FANCI: variants seen among roughly 807,000 people sequenced by gnomAD.
FANCI encodes Fanconi anemia group I protein.
FANCI carries 156 observed loss-of-function variants against 176.1 expected under a neutral mutation model. That is an observed-to-expected ratio of 0.89 (90% CI 0.78 to 1.01). The LOEUF (loss-of-function observed/expected upper bound fraction) is 1.01. FANCI is among the 50% of genes least tolerant of loss of function. The pLI is 0.00. For synonymous variants in FANCI, 613 were observed against 541.7 expected (o/e 1.13, Z -1.83); for missense variants, 1,678 against 1,534.1 (o/e 1.09, Z -1.57).
At position 89,316,697 on chromosome 15, in the gene FANCI, C is replaced by T. The variant is rs1261268392; in HGVS notation, c.*238C>T. ...CAGCTGAAAGCCTGAGTTTGGGAGC[C>T]TGCACCACCCCGATGAAGCTCCACG... On this transcript the variant is annotated 3_prime_UTR_variant, in exon 38 of 38. Transcript: ENST00000310775. The T allele has an allele frequency of 7.0e-7, 1 of 1,431,714 alleles. No homozygotes were observed. The highest frequency in any genetic ancestry group is 1.4e-5 in the African/African-American group (1 of 70,544). 88.7% of individuals were successfully genotyped at this position (1,431,714 alleles called of 1,614,324 possible).
At chr15:89,249,323 T>C (rs994513528) in intron 2 of FANCI, among the ~76,000 whole-genome samples, 2 of 152,188 alleles carry the variant, frequency 1.3e-5, no homozygotes, top group African/African-American at 4.8e-5. Flanking sequence ...AATCTTTAAT[T>C]ATTTAACACA....
intron 18 of FANCI, among the ~76,000 whole-genome samples, chr15:89,286,371 C>T (rs2053817776): frequency 6.6e-6 from 1 of 152,146 alleles, no homozygotes; most frequent in African/African-American, 2.4e-5. Context: ...CTGATTAAAT[C>T]ACTAGTTATT....
chr15:89,310,030 C>G (rs2054893380), intron 34 of FANCI, among the ~76,000 whole-genome samples: 1 of 152,120 alleles, frequency 6.6e-6, no homozygotes, highest in Non-Finnish European at 1.5e-5. Context: ...AGTAGTTATC[C>G]CCATATGCAT....
At chr15:89,251,731 A>G (rs1361123651) in intron 2 of FANCI, among the ~76,000 whole-genome samples, 4 of 152,220 alleles carry the variant, frequency 2.6e-5, no homozygotes, top group Non-Finnish European at 4.4e-5. Context: ...TAAAGATTAT[A>G]CGATTATCTT....
chr15:89,281,384 A>G (rs1596284203), intron 15 of FANCI, 84 bp downstream of exon 15: 8 of 1,503,096 alleles, frequency 5.3e-6, no homozygotes, highest in Middle Eastern at 1.7e-4. Flanking sequence ...GTATAAATAT[A>G]TATGTCTAAG....
Position 89,276,893 on chromosome 15 carries a change from T to G in FANCI, c.1293+2T>G. 6.2e-7 allele frequency: 1 copy of G among 1,614,108 alleles called. No individual in the cohort carries two copies. Among genetic ancestry groups the G allele is most frequent in the Non-Finnish European group, 8.5e-7 (1 of 1,179,990 alleles). ...AATATCCTGTTGGAAACTTTTAAGG[T>G]GAGACACTATTTTGGCAACCACTCC... On this transcript the variant is annotated splice_donor_variant, in intron 13 of 37. Transcript: ENST00000310775. LOFTEE classifies it high-confidence loss of function.
chr15:89,274,033 G>C (rs2053309826), intron 11 of FANCI, 135 bp from the exon 12 acceptor site: 2 of 675,880 alleles, frequency 3.0e-6, no homozygotes, highest in East Asian at 5.6e-5. Context: ...GCAGCTCATA[G>C]GAACAGTTAT....
Position 89,294,980 on chromosome 15 carries a change from A to G in FANCI, c.2522A>G (p.Tyr841Cys), listed in dbSNP as rs2054198190. 1.9e-6 allele frequency: 3 copies of G among 1,552,270 alleles called. No individual in the cohort carries two copies. The highest frequency in any genetic ancestry group is 2.0e-5 in the Admixed American group (1 of 50,990). Residue 841 changes from tyrosine (Y) to cysteine (C), a missense_variant, in exon 24 of 38, where the codon TAT becomes TGT. Physicochemically the swap from Tyr to Cys is radical, Grantham distance 194. This residue lies in a region of FANCI where 1,204 missense variants were observed against 1,077.4 expected (regional missense o/e 1.12). Coordinates refer to ENST00000310775, the MANE Select transcript of FANCI (RefSeq NM_001113378.2). ...AGGTCCAGCAATGAGTTTATGCGCTATGCAGTGAATGTAGCTCTGCAGAAA... is the reference window on the plus strand; with the variant it reads ...AGGTCCAGCAATGAGTTTATGCGCTGTGCAGTGAATGTAGCTCTGCAGAAA... The part of the protein sequence containing the change: ...VLRSSNEFMR[Y>C]AVNVALQKVQ...
intron 4 of FANCI, 26 bp from the exon 5 acceptor site, chr15:89,261,559 A>G: frequency 6.2e-7 from 1 of 1,613,800 alleles, no homozygotes; most frequent in Non-Finnish European, 8.5e-7. Context: ...TCTGCTTGAG[A>G]TTTCCTTTAT....
At chr15:89,304,965 G>A (rs1403207198) in intron 28 of FANCI, 150 bp from the exon 29 acceptor site, 23 of 780,232 alleles carry the variant, frequency 2.9e-5, no homozygotes, top group African/African-American at 6.9e-5. Flanking sequence ...TAGTAGAGAC[G>A]GGGTTTCTCC....
At chr15:89,255,136 C>T (rs2052437613) in intron 2 of FANCI, among the ~76,000 whole-genome samples, 1 of 152,092 alleles carries the variant, frequency 6.6e-6, no homozygotes, top group Admixed American at 6.5e-5. Context: ...TCAGTCTTTC[C>T]TTATCTCTGT....
intron 27 of FANCI, among the ~76,000 whole-genome samples, chr15:89,302,120 G>T (rs145965854): frequency 1.2e-4 from 19 of 152,296 alleles, no homozygotes; most frequent in African/African-American, 4.6e-4. Context: ...AGGACTGTGT[G>T]CTCCTACCAC....
At chr15:89,255,857 G>A (rs563103309) in intron 2 of FANCI, among the ~76,000 whole-genome samples, 3 of 152,224 alleles carry the variant, frequency 2.0e-5, no homozygotes, top group East Asian at 1.9e-4. Context: ...GGAGGAAGAA[G>A]GGGAGTAGAG....
rs746166692 is a variant in FANCI, at chr15:89,292,874, A to G, written c.2169+10A>G. On this transcript the variant is annotated intron_variant, in intron 21 of 37. Transcript: ENST00000310775. ...GGAAGACTTTGAACTGGTAATTGCT[A>G]AGTCCTCAGCTGTATTGAATGATGG... 1.2e-6 allele frequency: 2 copies of G among 1,614,076 alleles called. No homozygotes were observed. The highest frequency in any genetic ancestry group is 1.3e-5 in the African/African-American group (1 of 75,040).
chr15:89,247,288 A>C (rs1195052438), intron 1 of FANCI, among the ~76,000 whole-genome samples: 1 of 152,190 alleles, frequency 6.6e-6, no homozygotes, highest in African/African-American at 2.4e-5. Context: ...AATGTATTAC[A>C]TACTTGATAT....
intron 34 of FANCI, among the ~76,000 whole-genome samples, chr15:89,311,643 C>T (rs1320606105): frequency 6.6e-6 from 1 of 152,168 alleles, no homozygotes; most frequent in East Asian, 1.9e-4. Flanking sequence ...ACCCTGCCTT[C>T]CAGGGCCAAA....
At chr15:89,275,083 CTTTTT>C (rs530017776) in intron 12 of FANCI, among the ~76,000 whole-genome samples, 1 of 114,986 alleles carries the variant, frequency 8.7e-6, no homozygotes, top group Non-Finnish European at 1.7e-5. Context: ...GGCCTTTCTT[CTTTTT>C]TTTTTTTTTT....
intron 3 of FANCI, among the ~76,000 whole-genome samples, chr15:89,260,100 CTCA>C (rs1264733290): frequency 6.6e-6 from 1 of 152,044 alleles, no homozygotes; most frequent in African/African-American, 2.4e-5. Context: ...TTTTCACATC[CTCA>C]TCAACACTTG....
chr15:89,250,698 A>AATAT (rs551660561), intron 2 of FANCI, among the ~76,000 whole-genome samples: 1 of 149,472 alleles, frequency 6.7e-6, no homozygotes. Flanking sequence ...GTATAATAAA[A>AATAT]ATATATATAT....
Sources: allele counts gnomAD v4.1 joint callset (sites outside exome capture counted in the v4.1 genomes callset), GRCh38; gene constraint gnomAD v4.1.1; regional missense constraint gnomAD v4.1.1; transcripts MANE v1.5; gene names NCBI Gene and HGNC (gene_info 2026-07-23, HGNC 2026-07-21).